The following FMN1 variants were observed in gnomAD, a reference collection of about 807,000 sequenced individuals.
The protein encoded by FMN1 is formin 1, also known as formin-1.
Under a neutral mutation model 132.4 loss-of-function variants are expected in FMN1, and 110 were observed. The observed-to-expected ratio is 0.83, with a 90% CI of 0.71 to 0.97. FMN1 has a LOEUF of 0.97. Ranked by LOEUF, FMN1 falls within the 50% of genes least tolerant of loss-of-function variation. The pLI is 0.00. For missense variants in FMN1, 1,792 were observed against 1,705.3 expected, an observed-to-expected ratio of 1.05 and a Z score of -0.90; for synonymous variants, 722 against 651.7, an observed-to-expected ratio of 1.11 and a Z score of -1.64.
At chr15:32,984,542 C>A (rs1370913396) in intron 7 of FMN1, among the ~76,000 whole-genome samples, 1 of 152,066 alleles carries the variant, frequency 6.6e-6, no homozygotes, top group Non-Finnish European at 1.5e-5. Flanking sequence ...AGAAACTTCA[C>A]AACAAATATA....
intron 16 of FMN1, among the ~76,000 whole-genome samples, chr15:32,859,765 C>T (rs1455923770): frequency 6.6e-6 from 1 of 152,230 alleles, no homozygotes; most frequent in Admixed American, 6.5e-5. Context: ...GGCTGAATGT[C>T]GTGGTTCGCA....
At chr15:33,101,130 G>T (rs1306669924) in intron 4 of FMN1, among the ~76,000 whole-genome samples, 2 of 152,038 alleles carry the variant, frequency 1.3e-5, no homozygotes, top group African/African-American at 2.4e-5. Flanking sequence ...TAAGTAAAAA[G>T]GTAGAAAATG....
intron 5 of FMN1, among the ~76,000 whole-genome samples, chr15:33,071,069 T>G (rs2037979467): frequency 6.6e-6 from 1 of 152,202 alleles, no homozygotes; most frequent in Non-Finnish European, 1.5e-5. Flanking sequence ...TGCAAAGGTT[T>G]CAGCCCAGTT....
chr15:33,114,526 C>A (rs551671066), intron 4 of FMN1, among the ~76,000 whole-genome samples: 5 of 152,346 alleles, frequency 3.3e-5, no homozygotes, highest in African/African-American at 1.2e-4. Flanking sequence ...ATTGTCGATC[C>A]AATCATTTGA....
At chr15:33,051,060 G>A (rs1452239077) in intron 6 of FMN1, among the ~76,000 whole-genome samples, 1 of 152,232 alleles carries the variant, frequency 6.6e-6, no homozygotes, top group Non-Finnish European at 1.5e-5. Context: ...GAGAAGCAAT[G>A]TAAGTAACTG....
Position 33,016,657 on chromosome 15 carries a change from T to C in FMN1, c.2162-8582A>G, listed in dbSNP as rs1596475895. Reference sequence around the variant, plus strand: ...TTACCTGTAATGTTGATCCAACACCTTTTGTCAGCGGGCCTTCAACCAGCA... The same window carrying C: ...TTACCTGTAATGTTGATCCAACACCCTTTGTCAGCGGGCCTTCAACCAGCA... On this transcript the variant is annotated intron_variant, in intron 6 of 20. Transcript: ENST00000616417. Among the ~76,000 whole-genome samples the C allele has an allele frequency of 2.6e-5, 4 of 152,186 alleles. No homozygotes were observed. The South Asian group carries it at 8.3e-4, about 32-fold the overall frequency.
At chr15:33,172,526 A>T (rs1378267040) in intron 3 of FMN1, among the ~76,000 whole-genome samples, 2 of 152,198 alleles carry the variant, frequency 1.3e-5, no homozygotes, top group Admixed American at 6.5e-5. Context: ...TCACCAAGGG[A>T]TGGGACAGAA....
rs574593976 is a variant in FMN1 at position 33,156,310 on chromosome 15, T to C, written c.-131-1265A>G. On this transcript the variant is annotated intron_variant, in intron 3 of 20. Coordinates refer to ENST00000616417, the MANE Select transcript of FMN1 (RefSeq NM_001277313.2). ...TTTTTTTTTTTTTTTAGATGGGTTC[T>C]TGCTCTGTCGCTTAGGCTGGAGTAC... 9.1e-5 allele frequency among the ~76,000 whole-genome samples: 13 copies of C among 143,372 alleles called. No individual in the cohort carries two copies. The Admixed American group carries it at 9.4e-4, about 10-fold the overall frequency. 94.1% of individuals were successfully genotyped at this position (143,372 alleles called of 152,430 possible).
chr15:32,933,700 TTAAA>T (rs1251314328), intron 9 of FMN1, among the ~76,000 whole-genome samples: 1 of 152,140 alleles, frequency 6.6e-6, no homozygotes, highest in Non-Finnish European at 1.5e-5. Context: ...CCTTTTATCA[TTAAA>T]TAGTGTCCTT....
rs567210928 is a variant in FMN1, at chr15:32,777,503, CAT to C, written c.4131-586_4131-585del. Among the ~76,000 whole-genome samples, 123 of 94,848 alleles carry C rather than the reference CAT, an allele frequency of 1.3e-3. 13 individuals are homozygous for C. The highest frequency in any genetic ancestry group is 3.7e-3 in the African/African-American group (115 of 31,230). The allele number at this position is 94,848 out of a possible 152,430, so 62.2% of individuals were successfully genotyped here. On this transcript the variant is annotated intron_variant, in intron 19 of 20. Coordinates refer to ENST00000616417, the MANE Select transcript of FMN1 (RefSeq NM_001277313.2). ...TATTATATTTATATATTACGTATAACATATAACACATTTATATATTACGTATA... is the reference window on the plus strand; with the variant it reads ...TATTATATTTATATATTACGTATAACATAACACATTTATATATTACGTATA...
intron 10 of FMN1, among the ~76,000 whole-genome samples, 154 bp from the exon 11 acceptor site, chr15:32,910,689 G>T (rs1004025028): frequency 1.3e-4 from 20 of 152,228 alleles, no homozygotes; most frequent in African/African-American, 4.8e-4. Flanking sequence ...CGCACCAGGG[G>T]TCTCAAATGA....
chr15:33,191,545 C>T (rs528579820), intron 2 of FMN1, among the ~76,000 whole-genome samples: 8 of 152,292 alleles, frequency 5.3e-5, no homozygotes, highest in African/African-American at 1.2e-4. Flanking sequence ...TTGCTGAAAG[C>T]GTAGATAAGC....
chr15:33,128,240 T>C (rs565176254), intron 4 of FMN1, among the ~76,000 whole-genome samples: 5 of 151,788 alleles, frequency 3.3e-5, no homozygotes, highest in African/African-American at 1.2e-4. Context: ...AAGACCATAA[T>C]TTCCAACACC....
intron 4 of FMN1, among the ~76,000 whole-genome samples, chr15:33,146,825 G>T (rs1443412252): frequency 6.6e-6 from 1 of 152,154 alleles, no homozygotes; most frequent in Admixed American, 6.5e-5. Flanking sequence ...CAAGAGGAAG[G>T]GGGTGGGGCC....
intron 3 of FMN1, among the ~76,000 whole-genome samples, chr15:33,171,951 T>G (rs566930629): frequency 6.6e-6 from 1 of 152,218 alleles, no homozygotes; most frequent in Non-Finnish European, 1.5e-5. Flanking sequence ...GGCTCACGCC[T>G]GTAATCCCAG....
intron 17 of FMN1, among the ~76,000 whole-genome samples, chr15:32,817,290 C>A (rs755074585): frequency 6.6e-6 from 1 of 152,214 alleles, no homozygotes; most frequent in African/African-American, 2.4e-5. Flanking sequence ...AAAACCCTGG[C>A]AAAGGCTAAA....
chr15:33,073,555 G>A (rs952165975), intron 5 of FMN1, among the ~76,000 whole-genome samples: 4 of 152,016 alleles, frequency 2.6e-5, no homozygotes, highest in South Asian at 2.1e-4. Flanking sequence ...TTCAACAAAC[G>A]GCATCTTGAA....
intron 16 of FMN1, among the ~76,000 whole-genome samples, chr15:32,863,806 A>C (rs1258537387): frequency 1.3e-5 from 2 of 152,214 alleles, no homozygotes; most frequent in Non-Finnish European, 2.9e-5. Flanking sequence ...CCTGCCCCCA[A>C]ACACACTTTT....
At chr15:32,921,632 C>T (rs1567396287) in intron 10 of FMN1, among the ~76,000 whole-genome samples, 1 of 151,918 alleles carries the variant, frequency 6.6e-6, no homozygotes, top group Non-Finnish European at 1.5e-5. Context: ...TTAAAACAAC[C>T]CACATTCATA....
Sources: gnomAD v4.1 joint callset for allele counts (sites outside exome capture counted in the v4.1 genomes callset) on GRCh38, gnomAD v4.1.1 for gene constraint, MANE v1.5 for transcripts, NCBI Gene and HGNC (gene_info 2026-07-23, HGNC 2026-07-21) for gene names.